PLEKHA8: variants seen among roughly 807,000 people sequenced by gnomAD.
PLEKHA8 encodes the protein pleckstrin homology domain containing A8, also known as pleckstrin homology domain-containing family A member 8.
A neutral mutation model predicts 68.2 loss-of-function variants in PLEKHA8; 36 were observed. The ratio of observed to expected loss-of-function variants is 0.53; its 90% CI spans 0.40 to 0.70. PLEKHA8 has a LOEUF of 0.70. Among genes scored for constraint, PLEKHA8 ranks in the 30% least tolerant of loss-of-function variants. The pLI, the probability that PLEKHA8 is intolerant of heterozygous loss-of-function variation, is 0.00. For missense variants in PLEKHA8, 505 were observed against 615.4 expected (o/e 0.82, Z 1.90); for synonymous variants, 211 against 216.1 (o/e 0.98, Z 0.20).
chr7:30,096,098 CTA>C (rs1191039570), intron 13 of PLEKHA8, among the ~76,000 whole-genome samples: 1 of 152,142 alleles, frequency 6.6e-6, no homozygotes, highest in East Asian at 1.9e-4. Context: ...GGCATTTAAT[CTA>C]TAAATTACCT....
At chr7:30,073,997 A>AC in intron 12 of PLEKHA8, 74 bp from the exon 13 acceptor site, 1 of 1,340,844 alleles carries the variant, frequency 7.5e-7, no homozygotes, top group Non-Finnish European at 1.0e-6. Flanking sequence ...TTAAAAAAAA[A>AC]AAAAGTACAT....
chr7:30,117,565 A>C (rs1796605480), intron 13 of PLEKHA8, among the ~76,000 whole-genome samples: 2 of 152,058 alleles, frequency 1.3e-5, no homozygotes, highest in African/African-American at 4.8e-5. Context: ...TTAGCCAGGC[A>C]TGTTGGCACA....
Position 30,049,346 on chromosome 7 carries a change from A to T in PLEKHA8, c.561A>T (p.Pro187=), listed in dbSNP as rs1200929213. 3.7e-6 allele frequency: 6 copies of T among 1,614,066 alleles called. No homozygotes were observed. The highest frequency in any genetic ancestry group is 5.1e-6 in the Non-Finnish European group (6 of 1,180,014). The change falls in exon 5 of 14, where the codon CCA becomes CCT. Residue 187 remains proline (P), a synonymous_variant. Transcript: ENST00000449726. ...CTGAGCTGCTCTACCGCACTCCACC[A>T]GGATCACCTCAGCTGGCCATGCTCA... ...FTSELLYRTP[P]GSPQLAMLKS... is the part of the protein sequence containing the mutation.
At position 30,078,625 on chromosome 7, in the gene PLEKHA8, T is replaced by C; in HGVS notation, c.1398T>C (p.Phe466=). 6.2e-7 allele frequency: 1 copy of C among 1,613,884 alleles called. No homozygotes were observed. The highest frequency in any genetic ancestry group is 8.5e-7 in the Non-Finnish European group (1 of 1,179,836). ...GGGCAGCTCCATCCTATGAAGATTT[T>C]GTGGCCGCGTTAACCGTAAAGGAAG... ...ALRAAPSYED[F]VAALTVKEGD... is the part of the protein sequence containing the mutation. Residue 466 remains phenylalanine, a synonymous_variant, in exon 14 of 14, where the codon TTT becomes TTC. Coordinates refer to ENST00000449726, the MANE Select transcript of PLEKHA8 (RefSeq NM_001197026.2).
intron 9 of PLEKHA8, among the ~76,000 whole-genome samples, chr7:30,060,424 G>A (rs1037325368): frequency 8.6e-5 from 13 of 151,272 alleles, no homozygotes; most frequent in African/African-American, 2.4e-4. Flanking sequence ...GGGACAGAGC[G>A]AGAGACTCCA....
chr7:30,075,197 A>G (rs1186066909), intron 13 of PLEKHA8: 3 of 152,196 alleles, frequency 2.0e-5, no homozygotes, highest in Non-Finnish European at 4.4e-5. Context: ...AAGAATGTAC[A>G]CTACAACAAA....
Position 30,055,359 on chromosome 7 carries a change from T to C in PLEKHA8, c.1039+17T>C, listed in dbSNP as rs1167495959. On this transcript the variant is annotated intron_variant, in intron 9 of 13. Transcript: ENST00000449726. ...CAGTATTAGGTAAGATTCCTGCAGTTGCCTTACATTCATTCATGTCTAGAA... is the reference window on the plus strand; with the variant it reads ...CAGTATTAGGTAAGATTCCTGCAGTCGCCTTACATTCATTCATGTCTAGAA... 6.2e-7 allele frequency: 1 copy of C among 1,604,824 alleles called. No homozygotes were observed. The highest frequency in any genetic ancestry group is 8.5e-7 in the Non-Finnish European group (1 of 1,171,472).
rs1795032768 is a variant in PLEKHA8, at chr7:30,083,233, G to A, written c.*4446G>A. ...TGGTAAATTTGTATTCTTATGGATTGTATATAGAATGCTTTCGTTAGAAGT... is the reference window on the plus strand; with the variant it reads ...TGGTAAATTTGTATTCTTATGGATTATATATAGAATGCTTTCGTTAGAAGT... On this transcript the variant is annotated 3_prime_UTR_variant, in exon 14 of 14. Transcript: ENST00000449726. The A allele has an allele frequency of 1.0e-6, 1 of 982,098 alleles. No homozygotes were observed. Among genetic ancestry groups the A allele is most frequent in the Non-Finnish European group, 1.2e-6 (1 of 827,092 alleles). 60.8% of individuals were successfully genotyped at this position (982,098 alleles called of 1,614,324 possible).
chr7:30,090,644 A>G (rs1795378170), exon 13 of PLEKHA8: 2 of 386,868 alleles, frequency 5.2e-6, no homozygotes, highest in Non-Finnish European at 7.1e-6. Context: ...ATGCCCTCTT[A>G]TTTTCATAGC....
chr7:30,095,606 A>G (rs1435812961), downstream of PLEKHA8, among the ~76,000 whole-genome samples: 1 of 152,242 alleles, frequency 6.6e-6, no homozygotes, highest in South Asian at 2.1e-4. Flanking sequence ...GCCCATGCCT[A>G]TGTCCTGAAT....
At chr7:30,108,763 A>G (rs537791198) in intron 13 of PLEKHA8, among the ~76,000 whole-genome samples, 1 of 152,272 alleles carries the variant, frequency 6.6e-6, no homozygotes, top group Non-Finnish European at 1.5e-5. Context: ...GAGAGACTTC[A>G]CCCAAGTTCA....
rs974511 is a variant in PLEKHA8 at position 30,056,868 on chromosome 7, T to C, written c.1039+1526T>C. On this transcript the variant is annotated intron_variant, in intron 9 of 13. Transcript: ENST00000449726. ...TAATAGATAAATATATCTGAAAATT[T>C]ATATGTAACATTTAAATTATATGTA... Among the ~76,000 whole-genome samples, 171 of 146,946 alleles carry C rather than the reference T, an allele frequency of 1.2e-3. 3 individuals carry two copies. In the East Asian group the frequency reaches 0.027, roughly 23 times the overall value.
Position 30,079,381 on chromosome 7 carries a change from TC to T in PLEKHA8, c.*597del, listed in dbSNP as rs1794807444. ...GAGGCGAAGAAGACGTGGACAGGAG[TC>T]CCATCCTTGCTGACAGGCATGAAAC... On this transcript the variant is annotated 3_prime_UTR_variant, in exon 14 of 14. Transcript: ENST00000449726. 1 of 985,546 alleles carries T rather than the reference TC, an allele frequency of 1.0e-6. No homozygotes were observed. The highest frequency in any genetic ancestry group is 1.1e-4 in the East Asian group (1 of 8,814). The allele number at this position is 985,546 out of a possible 1,614,324, so 61.1% of individuals were successfully genotyped here.
intron 9 of PLEKHA8, among the ~76,000 whole-genome samples, chr7:30,056,312 C>CTCTCTCTCTATATATATATATA (rs796845171): frequency 1.1e-5 from 1 of 94,554 alleles, no homozygotes; most frequent in African/African-American, 3.9e-5. Context: ...CTCTCTCTCT[C>CTCTCTCTCTATATATATATATA]TATATATATA....
At chr7:30,098,214 T>G (rs1423032688) in intron 13 of PLEKHA8, among the ~76,000 whole-genome samples, 1 of 152,216 alleles carries the variant, frequency 6.6e-6, no homozygotes, top group African/African-American at 2.4e-5. Context: ...TACCCGGCCA[T>G]GTGAGGTGTC....
At chr7:30,119,237 G>A (rs1796656094) in intron 13 of PLEKHA8, among the ~76,000 whole-genome samples, 1 of 152,206 alleles carries the variant, frequency 6.6e-6, no homozygotes, top group Non-Finnish European at 1.5e-5. Flanking sequence ...TTAAGTGAAG[G>A]CAAAGGGAAT....
chr7:30,115,682 A>G (rs1235529428), intron 13 of PLEKHA8, among the ~76,000 whole-genome samples: 1 of 145,602 alleles, frequency 6.9e-6, no homozygotes, highest in Non-Finnish European at 1.5e-5. Context: ...ACATACGCAC[A>G]TACATGCATA....
intron 13 of PLEKHA8, chr7:30,129,135 A>C: frequency 7.7e-7 from 1 of 1,305,228 alleles, no homozygotes; most frequent in Admixed American, 1.8e-5. Context: ...ATTCTGGAAA[A>C]TATACCTTGC....
chr7:30,117,995 C>G (rs528350003), intron 13 of PLEKHA8: 1 of 1,529,828 alleles, frequency 6.5e-7, no homozygotes, highest in Admixed American at 2.0e-5. Flanking sequence ...TGATGGTGGC[C>G]CAGGAGGGCT....
Sources: allele counts gnomAD v4.1 joint callset (sites outside exome capture counted in the v4.1 genomes callset), GRCh38; gene constraint gnomAD v4.1.1; transcripts MANE v1.5; gene names NCBI Gene and HGNC (gene_info 2026-07-23, HGNC 2026-07-21).